DUS3L: variants seen among roughly 807,000 people sequenced by gnomAD.
DUS3L encodes the protein dihydrouridine synthase 3 like, also known as tRNA-dihydrouridine(47) synthase [NAD(P)(+)]-like.
In DUS3L, 62 loss-of-function variants were observed where a neutral mutation model predicts 74.6. That is an observed-to-expected ratio of 0.83 (90% CI 0.68 to 1.03). The LOEUF (loss-of-function observed/expected upper bound fraction) is 1.03. Ranked by LOEUF, DUS3L falls within the 50% of genes least tolerant of loss-of-function variation. The pLI, the probability that DUS3L is intolerant of heterozygous loss-of-function variation, is 0.00. For synonymous variants in DUS3L, 433 were observed against 395.7 expected (o/e 1.09, Z -1.12); for missense variants, 884 against 924.4 (o/e 0.96, Z 0.57).
rs2056887232 is a variant in DUS3L at position 5,789,428 on chromosome 19, G to T, written c.679C>A (p.Arg227=). The T allele has an allele frequency of 6.3e-7, 1 of 1,597,414 alleles. No homozygotes were observed. The highest frequency in any genetic ancestry group is 1.3e-5 in the African/African-American group (1 of 74,810). Residue 227 remains arginine, a synonymous_variant, in exon 3 of 13, where the codon CGA becomes AGA. Coordinates refer to ENST00000309061, the MANE Select transcript of DUS3L (RefSeq NM_020175.3). ...QLRKREVRFE[R]AEQALRRFSQ... ...AACCGGCGCAGGGCCTGCTCAGCTC[G>T]CTCGAAGCGGACCTCGCGCTTCCGC...
chr19:5,785,566 C>A lies in DUS3L; in HGVS notation c.1751+37G>T, dbSNP rs762989157. ...TGAGTCAGCTCTAACCAGCCGCGGC[C>A]CACGCGCCGCCCACCCCAGCCAGCC... is the stretch of plus-strand genomic sequence containing the variant. On this transcript the variant is annotated intron_variant, in intron 11 of 12. Coordinates refer to ENST00000309061, the MANE Select transcript of DUS3L (RefSeq NM_020175.3). The A allele has an allele frequency of 5.7e-6, 9 of 1,572,508 alleles. No homozygotes were observed. In the Admixed American group the frequency reaches 1.4e-4, roughly 25 times the overall value.
At position 5,790,226 on chromosome 19, in the gene DUS3L, G is replaced by T; in HGVS notation, c.208C>A (p.Pro70Thr). Residue 70 changes from proline (P) to threonine (T), a missense_variant, in exon 2 of 13, where the codon CCT becomes ACT. Coordinates refer to ENST00000309061, the MANE Select transcript of DUS3L (RefSeq NM_020175.3). ...GDPAGNELAE[P>T]EAKRIRLEDG... ...TCCAGTCGGATCCGCTTAGCCTCAG[G>T]CTCAGCCAGCTCATTGCCAGCAGGG... 1 of 1,614,164 alleles carries T rather than the reference G, an allele frequency of 6.2e-7. No individual in the cohort carries two copies. Among genetic ancestry groups the T allele is most frequent in the Non-Finnish European group, 8.5e-7 (1 of 1,180,046 alleles).
At position 5,786,803 on chromosome 19, in the gene DUS3L, C is replaced by T. The variant is rs199854498; in HGVS notation, c.1432G>A (p.Asp478Asn). ...SREQRYTKLA[D>N]WQYIEECVQA... ...ACGCACTCCTCGATGTACTGCCAGT[C>T]GGCTAGCTTGGTGTAGCGCTGCTCC... Residue 478 changes from aspartate (D) to asparagine (N), a missense_variant, in exon 9 of 13, where the codon GAC becomes AAC. Physicochemically the swap from Asp to Asn is conservative, Grantham distance 23. Transcript: ENST00000309061. The T allele has an allele frequency of 3.9e-5, 63 of 1,611,978 alleles. 1 individual carries two copies. The highest frequency in any genetic ancestry group is 3.4e-4 in the South Asian group (31 of 90,854).
chr19:5,785,732 AT>A lies in DUS3L; in HGVS notation c.1621del (p.Ile541SerfsTer74). The A allele has an allele frequency of 1.2e-6, 2 of 1,611,548 alleles. No individual in the cohort carries two copies. Among genetic ancestry groups the A allele is most frequent in the Non-Finnish European group, 8.5e-7 (1 of 1,179,624 alleles). Reference protein sequence around the residue: ...TEIKEQRHWDISSSERLDILR... With the variant: ...TEIKEQRHWDXSSSERLDILR... ...GATGTCCAGGCGCTCGGACGACGAG[AT>A]GTCCCAGTGCCGCTGCTCCTTGATC... On this transcript the variant is annotated frameshift_variant, in exon 11 of 13. Transcript: ENST00000309061. LOFTEE classifies it high-confidence loss of function.
At chr19:5,789,746 G>A in intron 2 of DUS3L, 27 bp from the exon 3 acceptor site, 2 of 1,575,680 alleles carry the variant, frequency 1.3e-6, no homozygotes, top group East Asian at 2.3e-5. Flanking sequence ...AAGCAGTGAG[G>A]GAGGACAGGG....
At chr19:5,788,204 T>C (rs1055798851) in intron 4 of DUS3L, 28 bp from the exon 5 acceptor site, 2 of 1,612,390 alleles carry the variant, frequency 1.2e-6, no homozygotes, top group African/African-American at 1.3e-5. Flanking sequence ...CAGACACACA[T>C]GCTCTTGCAC....
chr19:5,787,274 GCGAGGAT>G lies in DUS3L; in HGVS notation c.1278+15_1278+21del. On this transcript the variant is annotated intron_variant, in intron 7 of 12. Coordinates refer to ENST00000309061, the MANE Select transcript of DUS3L (RefSeq NM_020175.3). ...CCGGGGGAGTTGTTTGGGAGCCAGTGCGAGGATGTGGCTGGCCGTACCTGGTTCATGC... is the reference window on the plus strand; with the variant it reads ...CCGGGGGAGTTGTTTGGGAGCCAGTGGTGGCTGGCCGTACCTGGTTCATGC... 8.9e-7 allele frequency: 1 copy of G among 1,118,086 alleles called. No homozygotes were observed. Among genetic ancestry groups the G allele is most frequent in the Non-Finnish European group, 1.2e-6 (1 of 867,430 alleles). 69.3% of individuals were successfully genotyped at this position (1,118,086 alleles called of 1,614,324 possible).
chr19:5,788,783 T>C (rs985143762), intron 3 of DUS3L, among the ~76,000 whole-genome samples: 3 of 150,884 alleles, frequency 2.0e-5, no homozygotes, highest in Non-Finnish European at 4.4e-5. Context: ...CTTGGCTCAC[T>C]GCAACATCCG....
At chr19:5,787,846 G>A in intron 5 of DUS3L, 141 bp from the exon 6 acceptor site, 1 of 1,422,978 alleles carries the variant, frequency 7.0e-7, no homozygotes, top group East Asian at 2.3e-5. Context: ...AGGTCTGTCT[G>A]CGAGGCACCG....
At position 5,788,413 on chromosome 19, in the gene DUS3L, A is replaced by G. The variant is rs759829523; in HGVS notation, c.901-15T>C. The G allele has an allele frequency of 4.5e-5, 72 of 1,611,438 alleles. No individual in the cohort carries two copies. Among genetic ancestry groups the G allele is most frequent in the Non-Finnish European group, 5.9e-5 (70 of 1,179,208 alleles). ...CGGATGTCCAGCTGGAGGGAAAAAA[A>G]TACACACAAGTGGAGCTTGGCCTCC... On this transcript the variant is annotated splice_polypyrimidine_tract_variant and intron_variant, in intron 3 of 12. Coordinates refer to ENST00000309061, the MANE Select transcript of DUS3L (RefSeq NM_020175.3).
rs2056906604 is a variant in DUS3L at position 5,791,113 on chromosome 19, A to G, written c.29T>C (p.Leu10Pro). The G allele has an allele frequency of 6.2e-7, 1 of 1,608,562 alleles. No homozygotes were observed. Among genetic ancestry groups the G allele is most frequent in the African/African-American group, 1.3e-5 (1 of 74,958 alleles). ...CGAGTCGCCACCACCACCATTCTCTAGAGGAGCCTCCGCCGTTCCCTCCGC... is the reference window on the plus strand; with the variant it reads ...CGAGTCGCCACCACCACCATTCTCTGGAGGAGCCTCCGCCGTTCCCTCCGC... MAEGTAEAP[L>P]ENGGGGDSGA... The change falls in exon 1 of 13, where the codon CTA (leucine) becomes CCA (proline). Residue 10 changes from leucine to proline, a missense_variant. Transcript: ENST00000309061.
rs368609549 is a variant in DUS3L, at chr19:5,788,349, G to A, written c.942+8C>T. 86 of 1,613,650 alleles carry A rather than the reference G, an allele frequency of 5.3e-5. No individual in the cohort carries two copies. Among genetic ancestry groups the A allele is most frequent in the Middle Eastern group, 1.6e-4 (1 of 6,084 alleles). The stretch of plus-strand genomic sequence containing the variant: ...GCCACCCGACCAGCCACCTGACCCA[G>A]GTCCTACCGTGGTGAGGGGGGCCAG... On this transcript the variant is annotated splice_region_variant and intron_variant, in intron 4 of 12. Transcript: ENST00000309061.
In DUS3L at chr19:5,789,406, CGGCGCAGGGCCTGCTCAGCTCGCTCGAA is replaced by C; in HGVS notation, c.673_700del (p.Phe225GlyfsTer52). 1 of 1,593,186 alleles carries C rather than the reference CGGCGCAGGGCCTGCTCAGCTCGCTCGAA, an allele frequency of 6.3e-7. No individual in the cohort carries two copies. The highest frequency in any genetic ancestry group is 8.5e-7 in the Non-Finnish European group (1 of 1,173,316). On this transcript the variant is annotated frameshift_variant, in exon 3 of 13. Coordinates refer to ENST00000309061, the MANE Select transcript of DUS3L (RefSeq NM_020175.3). LOFTEE classifies it high-confidence loss of function. ...AGCGGGTGTGGGGCCCTGGCTGAAC[CGGCGCAGGGCCTGCTCAGCTCGCTCGAA>C]GCGGACCTCGCGCTTCCGCAGCTGC...
intron 2 of DUS3L, 150 bp from the exon 3 acceptor site, chr19:5,789,869 A>G: frequency 7.7e-7 from 1 of 1,294,914 alleles, no homozygotes; most frequent in Non-Finnish European, 1.1e-6. Flanking sequence ...CCATTTATAC[A>G]ATGAGAACAA....
chr19:5,786,942 CAGGCGGAGACAG>C, intron 8 of DUS3L, 97 bp from the exon 9 acceptor site: 1 of 1,490,536 alleles, frequency 6.7e-7, no homozygotes, highest in Non-Finnish European at 8.9e-7. Context: ...GAGAGAGACA[CAGGCGGAGACAG>C]AGGGAGGTGT....
chr19:5,787,929 G>C lies in DUS3L; in HGVS notation c.1095+95C>G, dbSNP rs898645508. ...CCCCACTCCACAGCTGAGGCCAGGG[G>C]GTCAGGGAGGCAACCAGGGCAGACC... On this transcript the variant is annotated intron_variant, in intron 5 of 12. Coordinates refer to ENST00000309061, the MANE Select transcript of DUS3L (RefSeq NM_020175.3). The C allele has an allele frequency of 8.4e-6, 13 of 1,547,076 alleles. No homozygotes were observed. The East Asian group carries it at 3.0e-4, about 36-fold the overall frequency.
Position 5,791,040 on chromosome 19 carries a change from T to C in DUS3L, c.98+4A>G. 6.3e-7 allele frequency: 1 copy of C among 1,595,878 alleles called. No homozygotes were observed. The highest frequency in any genetic ancestry group is 8.5e-7 in the Non-Finnish European group (1 of 1,171,578). On this transcript the variant is annotated splice_donor_region_variant and intron_variant, in intron 1 of 12. Coordinates refer to ENST00000309061, the MANE Select transcript of DUS3L (RefSeq NM_020175.3). ...TCAGCTTCCCTCCTGCCCCGGCGAC[T>C]CACTGACGCTTAATGGGCGCCACTC...
At chr19:5,787,875 C>T in intron 5 of DUS3L, 149 bp downstream of exon 5, 1 of 1,440,470 alleles carries the variant, frequency 6.9e-7, no homozygotes, top group Non-Finnish European at 9.4e-7. Context: ...CCACGGCCAT[C>T]AGCCCCCAGA....
intron 1 of DUS3L, chr19:5,790,816 CA>C (rs1289894456): frequency 1.7e-6 from 1 of 598,636 alleles, no homozygotes; most frequent in African/African-American, 1.9e-5. Context: ...CCTCAAATCC[CA>C]CCTGCCCTAG....
Sources: allele counts gnomAD v4.1 joint callset (sites outside exome capture counted in the v4.1 genomes callset), GRCh38; gene constraint gnomAD v4.1.1; transcripts MANE v1.5; gene names NCBI Gene and HGNC (gene_info 2026-07-23, HGNC 2026-07-21).